The following ROBO2 variants were observed in gnomAD, a reference collection of about 807,000 sequenced individuals.
ROBO2 encodes roundabout guidance receptor 2.
A neutral mutation model predicts 160.8 loss-of-function variants in ROBO2; 53 were observed. The observed-to-expected ratio is 0.33, with a 90% CI of 0.26 to 0.41. The LOEUF is 0.41. ROBO2 is among the 10% of genes least tolerant of loss of function. The pLI is 1.00. For missense variants in ROBO2, 1,577 were observed against 1,722.4 expected, an observed-to-expected ratio of 0.92 and a Z score of 1.49; for synonymous variants, 664 against 611.7, an observed-to-expected ratio of 1.09 and a Z score of -1.26.
intron 2 of ROBO2, among the ~76,000 whole-genome samples, chr3:76,125,541 G>T (rs2070938047): frequency 1.3e-5 from 2 of 152,016 alleles, no homozygotes; most frequent in Admixed American, 1.3e-4. Context: ...CAGCCATTCT[G>T]ACTGGTCTGC....
At chr3:76,054,476 C>G (rs2067766440) in intron 2 of ROBO2, among the ~76,000 whole-genome samples, 1 of 152,160 alleles carries the variant, frequency 6.6e-6, no homozygotes, top group Non-Finnish European at 1.5e-5. Context: ...TCACTGTTAT[C>G]ATGGCTTTCA....
At chr3:75,928,861 C>CGTGTGTGTGT (rs60525375) in intron 1 of ROBO2, among the ~76,000 whole-genome samples, 78 of 109,096 alleles carry the variant, frequency 7.1e-4, no homozygotes, top group South Asian at 3.1e-3. Flanking sequence ...CTGGATAAGA[C>CGTGTGTGTGT]GTGTGTGTGT....
intron 2 of ROBO2, among the ~76,000 whole-genome samples, chr3:77,394,966 C>G (rs2075124652): frequency 6.6e-6 from 1 of 152,066 alleles, no homozygotes. Flanking sequence ...TAAATAGGCC[C>G]AGTATTTCTC....
chr3:76,463,367 G>C (rs1481039666), intron 2 of ROBO2, among the ~76,000 whole-genome samples: 3 of 129,206 alleles, frequency 2.3e-5, no homozygotes, highest in Non-Finnish European at 4.8e-5. Context: ...CTTAGAAAGT[G>C]TTTGGGAAAA....
intron 2 of ROBO2, among the ~76,000 whole-genome samples, chr3:77,166,468 A>G (rs1433547943): frequency 6.6e-6 from 1 of 152,140 alleles, no homozygotes; most frequent in Non-Finnish European, 1.5e-5. Flanking sequence ...TTGGCCCAAT[A>G]TCTGTTTTTC....
chr3:76,603,448 T>C (rs1402945931), intron 2 of ROBO2, among the ~76,000 whole-genome samples: 2 of 145,974 alleles, frequency 1.4e-5, no homozygotes, highest in African/African-American at 2.6e-5. Flanking sequence ...CTTAAAGAAT[T>C]AGAAAATATA....
chr3:76,974,507 A>C (rs2059719210), intron 2 of ROBO2, among the ~76,000 whole-genome samples: 1 of 152,174 alleles, frequency 6.6e-6, no homozygotes, highest in Non-Finnish European at 1.5e-5. Flanking sequence ...TTACCTAGCA[A>C]GGTGATCACC....
chr3:76,806,894 C>G (rs1342808759), intron 2 of ROBO2, among the ~76,000 whole-genome samples: 1 of 151,994 alleles, frequency 6.6e-6, no homozygotes, highest in African/African-American at 2.4e-5. Flanking sequence ...ATTTTGTACT[C>G]AGATTATGAG....
chr3:76,624,442 A>C (rs1267912063), intron 2 of ROBO2, among the ~76,000 whole-genome samples: 1 of 152,092 alleles, frequency 6.6e-6, no homozygotes, highest in Non-Finnish European at 1.5e-5. Flanking sequence ...TAACTCTTGA[A>C]ATTTCCCCCC....
intron 2 of ROBO2, among the ~76,000 whole-genome samples, chr3:76,789,192 T>C (rs780762989): frequency 6.6e-6 from 1 of 151,512 alleles, no homozygotes; most frequent in Non-Finnish European, 1.5e-5. Context: ...GTTATTTTCC[T>C]GTGCACTGAG....
Position 76,026,899 on chromosome 3 carries a change from C to T in ROBO2, c.109+89297C>T, listed in dbSNP as rs183119032. The stretch of plus-strand genomic sequence containing the variant: ...TTGGGGAAGACATTTTGGACTGCCT[C>T]GAGAGGTCTCAAGGACCTTCCAGGG... On this transcript the variant is annotated intron_variant, in intron 2 of 26. Transcript: ENST00000487694. Among the ~76,000 whole-genome samples the T allele has an allele frequency of 1.3e-3, 192 of 151,910 alleles. 2 individuals carry two copies. Among genetic ancestry groups the T allele is most frequent in the African/African-American group, 4.3e-3 (180 of 41,478 alleles).
At chr3:76,905,147 G>A (rs1470403167) in intron 2 of ROBO2, among the ~76,000 whole-genome samples, 2 of 152,160 alleles carry the variant, frequency 1.3e-5, no homozygotes, top group East Asian at 3.9e-4. Flanking sequence ...AGATAAACGA[G>A]TGGGAGTATA....
chr3:76,881,758 G>A (rs2073353998), intron 2 of ROBO2, among the ~76,000 whole-genome samples: 1 of 152,186 alleles, frequency 6.6e-6, no homozygotes, highest in Admixed American at 6.5e-5. Flanking sequence ...TTTTGACCCA[G>A]ACGTGGCATC....
intron 2 of ROBO2, among the ~76,000 whole-genome samples, chr3:77,109,104 A>G (rs77274093): frequency 6.6e-6 from 1 of 152,152 alleles, no homozygotes; most frequent in Non-Finnish European, 1.5e-5. Context: ...TTGAAAAAAA[A>G]GGTTGATAGA....
chr3:76,229,441 A>G (rs913840241), intron 2 of ROBO2, among the ~76,000 whole-genome samples: 5 of 152,136 alleles, frequency 3.3e-5, no homozygotes, highest in Non-Finnish European at 7.4e-5. Context: ...CAATAGATGA[A>G]TATCATTTTA....
intron 2 of ROBO2, among the ~76,000 whole-genome samples, chr3:76,470,548 C>G (rs992044021): frequency 2.0e-4 from 30 of 152,104 alleles, no homozygotes; most frequent in Non-Finnish European, 4.0e-4. Context: ...TCGGGCTTCT[C>G]ATACCAGAGC....
chr3:76,825,603 CAAAAAA>C (rs201063990), intron 2 of ROBO2, among the ~76,000 whole-genome samples: 5 of 72,494 alleles, frequency 6.9e-5, no homozygotes, highest in South Asian at 6.5e-4. Flanking sequence ...TCATCTTAGC[CAAAAAA>C]AAAAAAAAAA....
At chr3:76,478,680 G>GTT (rs1042265916) in intron 2 of ROBO2, among the ~76,000 whole-genome samples, 8,837 of 120,818 alleles carry the variant, frequency 0.073, 399 homozygotes, top group Middle Eastern at 0.12. Context: ...TTTTTTCTCT[G>GTT]TTTTTTTTTT....
At chr3:77,124,389 T>A (rs951937310) in intron 2 of ROBO2, among the ~76,000 whole-genome samples, 1 of 152,036 alleles carries the variant, frequency 6.6e-6, no homozygotes, top group African/African-American at 2.4e-5. Context: ...AGAAGACCCA[T>A]GTGATAGGAG....
Sources: allele counts gnomAD v4.1 joint callset (sites outside exome capture counted in the v4.1 genomes callset), GRCh38; gene constraint gnomAD v4.1.1; transcripts MANE v1.5; gene names NCBI Gene and HGNC (gene_info 2026-07-23, HGNC 2026-07-21).